Variants in PDE4A observed in about 807,000 individuals in gnomAD.
PDE4A encodes the protein 3',5'-cyclic-AMP phosphodiesterase 4A.
PDE4A carries 21 observed loss-of-function variants against 73.9 expected under a neutral mutation model. That is an observed-to-expected ratio of 0.28 (90% CI 0.20 to 0.41). The LOEUF is 0.41. Ranked by LOEUF, PDE4A falls within the 10% of genes least tolerant of loss-of-function variation. The probability of loss-of-function intolerance (pLI) is 1.00; values close to 1 mark genes in which losing one functional copy is unlikely to be tolerated. For synonymous variants in PDE4A, 463 were observed against 505.4 expected (o/e 0.92, Z 1.13); for missense variants, 958 against 1,211.4 (o/e 0.79, Z 3.10).
chr19:10,467,071 C>T lies in PDE4A; in HGVS notation c.2111C>T (p.Pro704Leu). 1 of 1,614,170 alleles carries T rather than the reference C, an allele frequency of 6.2e-7. No homozygotes were observed. The highest frequency in any genetic ancestry group is 8.5e-7 in the Non-Finnish European group (1 of 1,180,026). The change falls in exon 15 of 15, where the codon CCT becomes CTT. Residue 704 changes from proline to leucine, a missense_variant. Pro to Leu is a moderately conservative substitution (Grantham distance 98). Transcript: ENST00000380702. ...AGGGGGCCAGGCCACCCACCCCTGCCTGACAAGTTCCAGTTTGAGCTGACG... is the reference window on the plus strand; with the variant it reads ...AGGGGGCCAGGCCACCCACCCCTGCTTGACAAGTTCCAGTTTGAGCTGACG... ...ESRGPGHPPLPDKFQFELTLE... is the reference protein window; with the variant it reads ...ESRGPGHPPLLDKFQFELTLE...
chr19:10,423,689 A>G (rs1451155374), intron 1 of PDE4A, among the ~76,000 whole-genome samples: 1 of 152,190 alleles, frequency 6.6e-6, no homozygotes, highest in Non-Finnish European at 1.5e-5. Flanking sequence ...CATAATCAGT[A>G]GATCTCCATT....
chr19:10,438,795 A>G (rs2042899049), intron 1 of PDE4A, among the ~76,000 whole-genome samples: 1 of 151,852 alleles, frequency 6.6e-6, no homozygotes, highest in Non-Finnish European at 1.5e-5. Context: ...TAGTAGAGAC[A>G]GGGTTTCTCC....
At chr19:10,455,388 C>T (rs1321978495) in intron 7 of PDE4A, among the ~76,000 whole-genome samples, 1 of 151,298 alleles carries the variant, frequency 6.6e-6, no homozygotes, top group Non-Finnish European at 1.5e-5. Context: ...CGCTTGAACC[C>T]AGGGGGTGGA....
In PDE4A at chr19:10,444,390, C is replaced by T. The variant is rs566851082; in HGVS notation, c.321-1828C>T. Among the ~76,000 whole-genome samples the T allele has an allele frequency of 8.6e-5, 13 of 151,662 alleles. No homozygotes were observed. The South Asian group carries it at 2.1e-3, about 24-fold the overall frequency. On this transcript the variant is annotated intron_variant, in intron 1 of 14. Transcript: ENST00000380702. ...GTGCATGCCTGTAATCCCAGCTACTCGGGAGACTAAGGCAGGAAAATCGCT... is the reference window on the plus strand; with the variant it reads ...GTGCATGCCTGTAATCCCAGCTACTTGGGAGACTAAGGCAGGAAAATCGCT...
rs772529737 is a variant in PDE4A, at chr19:10,448,899, C to T, written c.513-18C>T. 1 of 1,613,852 alleles carries T rather than the reference C, an allele frequency of 6.2e-7. No homozygotes were observed. Among genetic ancestry groups the T allele is most frequent in the Non-Finnish European group, 8.5e-7 (1 of 1,179,858 alleles). On this transcript the variant is annotated intron_variant, in intron 2 of 14. Transcript: ENST00000380702. ...GCTTCTCTGCGGACCCCTGACCTGC[C>T]TCTGTCCTCAATCACAGGCACGCTG...
At chr19:10,417,738 T>G, upstream of PDE4A, 1 of 1,587,104 alleles carries the variant, frequency 6.3e-7, no homozygotes, top group Non-Finnish European at 8.5e-7. Flanking sequence ...CCGCCTCTCG[T>G]CCGGTCCTGG....
At position 10,424,568 on chromosome 19, in the gene PDE4A, G is replaced by A. The variant is rs1489328708; in HGVS notation, c.320+3484G>A. Among the ~76,000 whole-genome samples the A allele has an allele frequency of 6.6e-6, 1 of 152,252 alleles. No homozygotes were observed. Among genetic ancestry groups the A allele is most frequent in the East Asian group, 1.9e-4 (1 of 5,192 alleles). On this transcript the variant is annotated intron_variant, in intron 1 of 14. Transcript: ENST00000380702. This position sits in a 1 kb window ranked among gnomAD's most constrained non-coding sequence, Gnocchi z 4.8. ...GGGACGCCGCCAGTCCCGGAGCAAA[G>A]CAAAGTCGCCGCCACCGTCGCGGCG...
At position 10,453,576 on chromosome 19, in the gene PDE4A, G is replaced by C. The variant is rs1397396518; in HGVS notation, c.784-1253G>C. On this transcript the variant is annotated intron_variant, in intron 6 of 14. Transcript: ENST00000380702. This position sits in a 1 kb window ranked among gnomAD's most constrained non-coding sequence, Gnocchi z 4.6. Reference sequence around the variant, plus strand: ...CCTGGATGTGTGTGTGTGTGTCTGCGATGGTGTGTGTCTGCCTGAGTATAG... The same window carrying C: ...CCTGGATGTGTGTGTGTGTGTCTGCCATGGTGTGTGTCTGCCTGAGTATAG... Among the ~76,000 whole-genome samples, 4 of 151,970 alleles carry C rather than the reference G, an allele frequency of 2.6e-5. No individual in the cohort carries two copies. The highest frequency in any genetic ancestry group is 9.7e-5 in the African/African-American group (4 of 41,344).
At chr19:10,427,645 C>A (rs1405163929) in intron 1 of PDE4A, 2 of 982,700 alleles carry the variant, frequency 2.0e-6, no homozygotes, top group Non-Finnish European at 1.2e-6. Context: ...TCTCTGAAGC[C>A]AGACAGCTGG....
intron 1 of PDE4A, 183 bp from the exon 2 acceptor site, chr19:10,446,035 A>C (rs1021190743): frequency 3.0e-5 from 12 of 406,694 alleles, no homozygotes; most frequent in Non-Finnish European, 4.0e-5. Flanking sequence ...ACAGGGTTTC[A>C]TCATGTTGGC....
At chr19:10,426,680 G>A (rs2042722325) in intron 1 of PDE4A, among the ~76,000 whole-genome samples, 2 of 151,664 alleles carry the variant, frequency 1.3e-5, no homozygotes, top group African/African-American at 4.8e-5. Flanking sequence ...AGACCAGCCT[G>A]GCCAAAACCT....
At chr19:10,452,615 T>G (rs1028048786) in intron 6 of PDE4A, among the ~76,000 whole-genome samples, 65 of 149,524 alleles carry the variant, frequency 4.3e-4, no homozygotes, top group Non-Finnish European at 8.3e-4. Flanking sequence ...TGTCTCCGGG[T>G]GTGTGTGTGT....
chr19:10,444,220 A>T (rs1361782897), intron 1 of PDE4A, among the ~76,000 whole-genome samples: 1 of 151,816 alleles, frequency 6.6e-6, no homozygotes, highest in East Asian at 1.9e-4. Flanking sequence ...ATCTCTACTA[A>T]AAATACAAAA....
Position 10,427,833 on chromosome 19 carries a change from G to A in PDE4A, c.320+6749G>A, listed in dbSNP as rs955416700. On this transcript the variant is annotated intron_variant, in intron 1 of 14. Coordinates refer to ENST00000380702, the MANE Select transcript of PDE4A (RefSeq NM_001111307.2). ...TAAGGGCATTGAAACCTTGGTCGGTGAACAAAAATGCATTTCTGGGACAGG... is the reference window on the plus strand; with the variant it reads ...TAAGGGCATTGAAACCTTGGTCGGTAAACAAAAATGCATTTCTGGGACAGG... 11 of 985,072 alleles carry A rather than the reference G, an allele frequency of 1.1e-5. No homozygotes were observed. The African/African-American group carries it at 1.2e-4, about 11-fold the overall frequency. The allele number at this position is 985,072 out of a possible 1,614,324, so 61.0% of individuals were successfully genotyped here.
intron 10 of PDE4A, among the ~76,000 whole-genome samples, chr19:10,459,973 C>T (rs962807613): frequency 3.3e-5 from 5 of 152,018 alleles, no homozygotes; most frequent in Non-Finnish European, 5.9e-5. Flanking sequence ...CTCTGCCTCC[C>T]GGGTTCAAGT....
At chr19:10,429,329 TAG>T (rs2042759007) in intron 1 of PDE4A, among the ~76,000 whole-genome samples, 1 of 151,304 alleles carries the variant, frequency 6.6e-6, no homozygotes, top group African/African-American at 2.4e-5. Flanking sequence ...GAAAAGAAAA[TAG>T]AGATTCACCC....
At chr19:10,432,634 G>T in intron 1 of PDE4A, 3 of 1,448,020 alleles carry the variant, frequency 2.1e-6, no homozygotes, top group Non-Finnish European at 9.2e-7. Context: ...CTGTGCTGGG[G>T]GGGTGGGGGT....
chr19:10,459,204 G>A, intron 8 of PDE4A, 196 bp from the exon 9 acceptor site: 3 of 906,752 alleles, frequency 3.3e-6, no homozygotes, highest in Non-Finnish European at 4.9e-6. Flanking sequence ...GTACTCAAAA[G>A]ACAGTGGCTG....
At chr19:10,427,991 G>A (rs2042738632) in intron 1 of PDE4A, 1 of 116,572 alleles carries the variant, frequency 8.6e-6, no homozygotes, top group African/African-American at 3.8e-5. Flanking sequence ...GTGAGACCCT[G>A]TCAAAAAAAA....
Sources: allele counts gnomAD v4.1 joint callset (sites outside exome capture counted in the v4.1 genomes callset), GRCh38; gene constraint gnomAD v4.1.1; non-coding constraint Gnocchi (gnomAD v3.1); transcripts MANE v1.5; gene names NCBI Gene and HGNC (gene_info 2026-07-23, HGNC 2026-07-21).